Variants in FANCL observed in about 807,000 individuals in gnomAD.
The protein encoded by FANCL is E3 ubiquitin-protein ligase FANCL.
A neutral mutation model predicts 59.4 loss-of-function variants in FANCL; 69 were observed. The ratio of observed to expected loss-of-function variants is 1.16; its 90% CI spans 0.96 to 1.42. FANCL has a LOEUF of 1.42. Ranked by LOEUF, FANCL falls within the 40% of genes most tolerant of loss-of-function variation. FANCL has a pLI of 0.00. For synonymous variants in FANCL, 180 were observed against 147.1 expected (o/e 1.22, Z -1.62); for missense variants, 519 against 447.2 (o/e 1.16, Z -1.45).
chr2:58,237,819 T>C (rs1694162628), intron 1 of FANCL, among the ~76,000 whole-genome samples: 2 of 152,292 alleles, frequency 1.3e-5, no homozygotes, highest in South Asian at 2.1e-4. Context: ...GAAACTTGCA[T>C]CTAACACAAT....
intron 7 of FANCL, among the ~76,000 whole-genome samples, chr2:58,172,623 A>G (rs1175785990): frequency 6.6e-6 from 1 of 152,204 alleles, no homozygotes; most frequent in Non-Finnish European, 1.5e-5. Context: ...CATCCACACC[A>G]AAAACCCATC....
At chr2:58,193,477 G>T (rs1689135359) in intron 7 of FANCL, among the ~76,000 whole-genome samples, 1 of 152,054 alleles carries the variant, frequency 6.6e-6, no homozygotes, top group Admixed American at 6.6e-5. Flanking sequence ...AGGTGACTAA[G>T]TCTATAGGTC....
At chr2:58,210,107 A>G (rs1175980435) in intron 5 of FANCL, among the ~76,000 whole-genome samples, 19 of 152,222 alleles carry the variant, frequency 1.2e-4, no homozygotes, top group Admixed American at 1.0e-3. Flanking sequence ...GAACCATTTA[A>G]CTTCTGAATT....
At chr2:58,173,841 C>T (rs1377891192) in intron 7 of FANCL, among the ~76,000 whole-genome samples, 1 of 151,992 alleles carries the variant, frequency 6.6e-6, no homozygotes, top group Non-Finnish European at 1.5e-5. Flanking sequence ...CATAGACTGG[C>T]TAATTGGATA....
In FANCL at chr2:58,162,916, T is replaced by A; in HGVS notation, c.853A>T (p.Lys285Ter). The A allele has an allele frequency of 1.2e-6, 2 of 1,612,994 alleles. No homozygotes were observed. Among genetic ancestry groups the A allele is most frequent in the Non-Finnish European group, 1.7e-6 (2 of 1,179,182 alleles). ...GGAAAATCAATTTCTAAAACATCTT[T>A]CAAATTTTGTAACACACTATTTTCT... ...DPENSVLQNL[K>*]DVLEIDFPAR... The change falls in exon 11 of 14, where the codon AAA becomes TAA. Residue 285 changes from lysine (K) to a stop codon, truncating the protein, a stop_gained. Transcript: ENST00000233741. LOFTEE classifies it high-confidence loss of function.
At chr2:58,241,174 T>G in intron 1 of FANCL, 44 bp downstream of exon 1, 2 of 1,601,342 alleles carry the variant, frequency 1.2e-6, no homozygotes, top group South Asian at 2.2e-5. Flanking sequence ...GCAGCTACGC[T>G]GCAAGAGGCT....
At chr2:58,170,907 C>G (rs1287335364) in intron 7 of FANCL, among the ~76,000 whole-genome samples, 1 of 152,170 alleles carries the variant, frequency 6.6e-6, no homozygotes, top group Non-Finnish European at 1.5e-5. Context: ...AGACTTAAGA[C>G]TCCCACACAA....
chr2:58,238,535 T>C (rs1446419391), intron 1 of FANCL, among the ~76,000 whole-genome samples: 1 of 152,120 alleles, frequency 6.6e-6, no homozygotes, highest in East Asian at 1.9e-4. Flanking sequence ...ATCAGAAACC[T>C]AGATGAAACT....
At position 58,205,141 on chromosome 2, in the gene FANCL, T is replaced by C. The variant is rs546294704; in HGVS notation, c.375-915A>G. ...GTAAGACCCATTGGAGTTCAGAATA[T>C]AAGCCTCCTAACTTAGGAAATATAT... On this transcript the variant is annotated intron_variant, in intron 5 of 13. Coordinates refer to ENST00000233741, the MANE Select transcript of FANCL (RefSeq NM_018062.4). 3.3e-5 allele frequency among the ~76,000 whole-genome samples: 5 copies of C among 151,880 alleles called. No homozygotes were observed. The East Asian group carries it at 5.8e-4, about 18-fold the overall frequency.
intron 7 of FANCL, among the ~76,000 whole-genome samples, chr2:58,175,042 G>A (rs1034965500): frequency 4.0e-5 from 6 of 151,746 alleles, no homozygotes; most frequent in African/African-American, 1.5e-4. Context: ...AGAAGAAATG[G>A]ATAAATTCCT....
intron 3 of FANCL, 26 bp from the exon 4 acceptor site, chr2:58,226,810 T>C (rs1317216135): frequency 6.3e-7 from 1 of 1,587,012 alleles, no homozygotes. Context: ...TCCAATTAAT[T>C]TCATTTGCAC....
At chr2:58,210,565 C>T (rs1483441949) in intron 5 of FANCL, among the ~76,000 whole-genome samples, 1 of 152,096 alleles carries the variant, frequency 6.6e-6, no homozygotes, top group African/African-American at 2.4e-5. Flanking sequence ...AACAGGCCCC[C>T]CAAAGTCTTA....
chr2:58,161,464 G>T, intron 12 of FANCL, 58 bp downstream of exon 12: 2 of 1,056,822 alleles, frequency 1.9e-6, no homozygotes, highest in African/African-American at 1.6e-5. Flanking sequence ...TTTCAAACAG[G>T]AATACTTCCT....
At chr2:58,163,575 T>C (rs1685533914) in intron 8 of FANCL, 58 bp from the exon 9 acceptor site, 16 of 1,080,950 alleles carry the variant, frequency 1.5e-5, no homozygotes, top group Non-Finnish European at 2.3e-5. Flanking sequence ...AACAACCCAA[T>C]AAAAAATAAA....
chr2:58,205,670 C>A (rs149435269), intron 5 of FANCL, among the ~76,000 whole-genome samples: 1 of 152,114 alleles, frequency 6.6e-6, no homozygotes, highest in Admixed American at 6.6e-5. Flanking sequence ...AAGCAAACTT[C>A]AACAACTTTT....
In FANCL at chr2:58,161,588, G is replaced by A. The variant is rs768000672; in HGVS notation, c.954C>T (p.Thr318=). ...AATTATCACACACTTGATCAGGAAT[G>A]GTACCGTCAAGTTGATAAGCATAAC... ...GICYAYQLDG[T]IPDQVCDNSQ... Residue 318 remains threonine, a synonymous_variant, in exon 12 of 14, where the codon ACC becomes ACT. Transcript: ENST00000233741. 3.1e-6 allele frequency: 5 copies of A among 1,611,402 alleles called. No homozygotes were observed. The highest frequency in any genetic ancestry group is 3.3e-5 in the Admixed American group (2 of 59,882).
intron 7 of FANCL, among the ~76,000 whole-genome samples, chr2:58,192,766 T>C (rs1689056820): frequency 6.6e-6 from 1 of 151,788 alleles, no homozygotes; most frequent in Non-Finnish European, 1.5e-5. Flanking sequence ...TAATGACAAA[T>C]TAACTACTGA....
chr2:58,220,479 G>A (rs372282838), intron 5 of FANCL, among the ~76,000 whole-genome samples: 1 of 152,138 alleles, frequency 6.6e-6, no homozygotes, highest in East Asian at 1.9e-4. Context: ...GAAGGCAAAG[G>A]CAACGAAAAT....
At chr2:58,171,916 T>C (rs1686671972) in intron 7 of FANCL, among the ~76,000 whole-genome samples, 1 of 152,210 alleles carries the variant, frequency 6.6e-6, no homozygotes, top group African/African-American at 2.4e-5. Flanking sequence ...TACTGCGCTT[T>C]TCCGACGGGT....
Sources: gnomAD v4.1 joint callset for allele counts (sites outside exome capture counted in the v4.1 genomes callset) on GRCh38, gnomAD v4.1.1 for gene constraint, MANE v1.5 for transcripts, NCBI Gene and HGNC (gene_info 2026-07-23, HGNC 2026-07-21) for gene names.